Variants in KCNH5 observed in about 807,000 individuals in gnomAD.
The protein encoded by KCNH5 is potassium voltage-gated channel subfamily H member 5.
Under a neutral mutation model 96.1 loss-of-function variants are expected in KCNH5, and 46 were observed. That is an observed-to-expected ratio of 0.48 (90% CI 0.38 to 0.61). The LOEUF is 0.61. Ranked by LOEUF, KCNH5 falls within the 20% of genes least tolerant of loss-of-function variation. The pLI is 0.00. For missense variants in KCNH5, 907 were observed against 1,225.8 expected, an observed-to-expected ratio of 0.74 and a Z score of 3.88; for synonymous variants, 439 against 449.8, an observed-to-expected ratio of 0.98 and a Z score of 0.30.
chr14:62,809,985 T>C (rs1300511404), intron 8 of KCNH5, among the ~76,000 whole-genome samples: 1 of 152,068 alleles, frequency 6.6e-6, no homozygotes, highest in Non-Finnish European at 1.5e-5. Context: ...AACAAGCCCA[T>C]ATCAGCTTAG....
intron 10 of KCNH5, among the ~76,000 whole-genome samples, chr14:62,727,058 G>T (rs927836469): frequency 6.6e-6 from 1 of 152,084 alleles, no homozygotes; most frequent in Non-Finnish European, 1.5e-5. Context: ...AGGCAAAATG[G>T]ATCTAAAGTG....
At position 62,707,628 on chromosome 14, in the gene KCNH5, C is replaced by T. The variant is rs771074717; in HGVS notation, c.2847G>A (p.Gln949=). The change falls in exon 11 of 11, where the codon CAG becomes CAA. Residue 949 remains glutamine (Q), a synonymous_variant. Transcript: ENST00000322893. ...LKILSEKSVP[Q]ASSPKSQMPL... is the part of the protein sequence containing the mutation. ...GCATTTGGGATTTGGGAGATGAGGC[C>T]TGGGGTACGCTTTTTTCCGACAGTA... is the stretch of plus-strand genomic sequence containing the variant. The T allele has an allele frequency of 7.6e-6, 12 of 1,574,078 alleles. No individual in the cohort carries two copies. The highest frequency in any genetic ancestry group is 6.9e-6 in the Non-Finnish European group (8 of 1,156,348).
chr14:62,954,022 C>T (rs1890054484), intron 6 of KCNH5, among the ~76,000 whole-genome samples: 1 of 152,214 alleles, frequency 6.6e-6, no homozygotes, highest in South Asian at 2.1e-4. Context: ...TACCTACCTA[C>T]CTGCTCAGCA....
chr14:62,782,119 G>T (rs187313922), intron 9 of KCNH5, among the ~76,000 whole-genome samples: 1 of 152,088 alleles, frequency 6.6e-6, no homozygotes, highest in Non-Finnish European at 1.5e-5. Flanking sequence ...CACCCTTCAG[G>T]CCAGGCAGAC....
intron 7 of KCNH5, among the ~76,000 whole-genome samples, chr14:62,926,106 G>T (rs993309395): frequency 6.6e-6 from 1 of 152,102 alleles, no homozygotes; most frequent in Non-Finnish European, 1.5e-5. Flanking sequence ...AATATTGCAA[G>T]TGGATGGTAT....
chr14:63,033,109 G>A lies in KCNH5; in HGVS notation c.73+12005C>T, dbSNP rs191145065. 1.5e-3 allele frequency among the ~76,000 whole-genome samples: 231 copies of A among 151,986 alleles called. 1 individual carries two copies. The highest frequency in any genetic ancestry group is 2.4e-3 in the Admixed American group (36 of 15,248). ...CCAGACCACCATCATATCTTGCGTC[G>A]ACTACCGCAAGACCAGACCTAACTG... On this transcript the variant is annotated intron_variant, in intron 1 of 10. Transcript: ENST00000322893.
chr14:62,822,580 A>G (rs1214834309), intron 8 of KCNH5, among the ~76,000 whole-genome samples: 1 of 152,042 alleles, frequency 6.6e-6, no homozygotes, highest in Non-Finnish European at 1.5e-5. Context: ...AAAGCAAACA[A>G]TCAAAAAAGC....
At chr14:62,764,209 T>A (rs931893424) in intron 10 of KCNH5, among the ~76,000 whole-genome samples, 3 of 152,198 alleles carry the variant, frequency 2.0e-5, no homozygotes, top group Non-Finnish European at 4.4e-5. Flanking sequence ...GATGCAAGAC[T>A]GGTTAAACAC....
intron 10 of KCNH5, among the ~76,000 whole-genome samples, chr14:62,709,406 T>C (rs1439310311): frequency 6.6e-6 from 1 of 152,252 alleles, no homozygotes; most frequent in Non-Finnish European, 1.5e-5. Context: ...CTAGAATTTG[T>C]GAGGAAAAGT....
At chr14:62,820,373 G>A (rs1297000338) in intron 8 of KCNH5, among the ~76,000 whole-genome samples, 2 of 146,782 alleles carry the variant, frequency 1.4e-5, no homozygotes, top group African/African-American at 5.1e-5. Flanking sequence ...TTGAGATGGA[G>A]TCTCACTCTG....
At chr14:62,779,135 A>G (rs147868431) in intron 10 of KCNH5, among the ~76,000 whole-genome samples, 2 of 152,364 alleles carry the variant, frequency 1.3e-5, no homozygotes, top group Non-Finnish European at 2.9e-5. Flanking sequence ...AGATTTCTTC[A>G]TGCAAATTAA....
At chr14:62,836,998 A>G (rs1330436910) in intron 8 of KCNH5, among the ~76,000 whole-genome samples, 1 of 152,152 alleles carries the variant, frequency 6.6e-6, no homozygotes, top group Non-Finnish European at 1.5e-5. Flanking sequence ...GAATCTCCTT[A>G]TTGTTTAAAT....
At chr14:62,732,948 CCTTCTTCTTGTCCCCCT>C (rs971289010) in intron 10 of KCNH5, among the ~76,000 whole-genome samples, 2 of 151,964 alleles carry the variant, frequency 1.3e-5, no homozygotes, top group African/African-American at 4.8e-5. Context: ...CTCTCTCTCT[CCTTCTTCTTGTCCCCCT>C]CCTTCTCTCT....
intron 10 of KCNH5, among the ~76,000 whole-genome samples, chr14:62,774,532 T>G (rs1886057012): frequency 1.3e-5 from 2 of 152,322 alleles, no homozygotes; most frequent in South Asian, 4.1e-4. Flanking sequence ...ACTTTAAAAG[T>G]CTAATAAGAA....
At chr14:62,826,146 T>C (rs1887219379) in intron 8 of KCNH5, among the ~76,000 whole-genome samples, 1 of 152,150 alleles carries the variant, frequency 6.6e-6, no homozygotes, top group African/African-American at 2.4e-5. Context: ...CTGAAAATGC[T>C]GTGTTAAAGT....
intron 8 of KCNH5, among the ~76,000 whole-genome samples, chr14:62,840,969 T>C (rs1049001734): frequency 6.6e-5 from 10 of 152,202 alleles, no homozygotes; most frequent in African/African-American, 2.2e-4. Context: ...ATGATGCCCA[T>C]GGTTATTTGG....
At chr14:62,822,607 C>T (rs1355710939) in intron 8 of KCNH5, among the ~76,000 whole-genome samples, 1 of 151,628 alleles carries the variant, frequency 6.6e-6, no homozygotes, top group Admixed American at 6.6e-5. Context: ...TCAACCTAAC[C>T]CTCAAACCTT....
chr14:62,913,591 T>C (rs1889214721), intron 7 of KCNH5, among the ~76,000 whole-genome samples: 1 of 152,148 alleles, frequency 6.6e-6, no homozygotes, highest in African/African-American at 2.4e-5. Flanking sequence ...TAGCAATGGT[T>C]TGTTTAATTA....
At chr14:62,897,392 G>T (rs2140090043) in intron 7 of KCNH5, among the ~76,000 whole-genome samples, 1 of 152,244 alleles carries the variant, frequency 6.6e-6, no homozygotes, top group African/African-American at 2.4e-5. Flanking sequence ...TGTAAGGCAA[G>T]AAAAGTATTT....
Sources: gnomAD v4.1 joint callset for allele counts (sites outside exome capture counted in the v4.1 genomes callset) on GRCh38, gnomAD v4.1.1 for gene constraint, MANE v1.5 for transcripts, NCBI Gene and HGNC (gene_info 2026-07-23, HGNC 2026-07-21) for gene names.